ZBTB41: variants seen among roughly 807,000 people sequenced by gnomAD.
ZBTB41 encodes zinc finger and BTB domain-containing protein 41.
In ZBTB41, 42 loss-of-function variants were observed where a neutral mutation model predicts 87.6. That is an observed-to-expected ratio of 0.48 (90% CI 0.37 to 0.62). The LOEUF (loss-of-function observed/expected upper bound fraction) is 0.62. Ranked by LOEUF, ZBTB41 falls within the 20% of genes least tolerant of loss-of-function variation. The pLI, the probability that ZBTB41 is intolerant of heterozygous loss-of-function variation, is 0.00. For missense variants in ZBTB41, 799 were observed against 1,078.9 expected, an observed-to-expected ratio of 0.74 and a Z score of 3.63; for synonymous variants, 364 against 364.0, an observed-to-expected ratio of 1.00 and a Z score of 0.00.
rs1659670408 is a variant in ZBTB41 at position 197,178,678 on chromosome 1, T to C, written c.1677-166A>G. 2.6e-5 allele frequency among the ~76,000 whole-genome samples: 4 copies of C among 152,158 alleles called. No homozygotes were observed. The South Asian group carries it at 8.3e-4, about 32-fold the overall frequency. ...TTCTATTCTCACTAGTATACAAACA[T>C]GCTTGTTATAGCTCTCTCTCCTTAA... On this transcript the variant is annotated intron_variant, in intron 6 of 10. Transcript: ENST00000367405.
intron 10 of ZBTB41, 25 bp downstream of exon 10, chr1:197,172,133 ATC>A: frequency 4.1e-6 from 4 of 977,624 alleles, no homozygotes; most frequent in South Asian, 2.8e-5. Flanking sequence ...ATATATATAT[ATC>A]TATGAACCAC....
intron 9 of ZBTB41, among the ~76,000 whole-genome samples, chr1:197,174,358 AT>A (rs1438682556): frequency 6.6e-6 from 1 of 152,150 alleles, no homozygotes; most frequent in Non-Finnish European, 1.5e-5. Flanking sequence ...GGTAGTCACC[AT>A]AAAAAAGTTT....
chr1:197,181,100 T>C lies in ZBTB41; in HGVS notation c.1564A>G (p.Ile522Val), dbSNP rs1425215645. 1.9e-6 allele frequency: 3 copies of C among 1,588,774 alleles called. No homozygotes were observed. The highest frequency in any genetic ancestry group is 1.4e-5 in the African/African-American group (1 of 73,074). ...GTGTCGTTAAACTGGCGACCACATA[T>C]ATCACATGGAAAAGGACCTAAAAAG... The part of the protein sequence containing the change: ...KFHLGPFPCD[I>V]CGRQFNDTGN... Residue 522 changes from isoleucine to valine, a missense_variant, in exon 6 of 11, where the codon ATA becomes GTA. Coordinates refer to ENST00000367405, the MANE Select transcript of ZBTB41 (RefSeq NM_194314.3).
At chr1:197,187,837 A>C (rs1348260284) in intron 5 of ZBTB41, among the ~76,000 whole-genome samples, 1 of 152,236 alleles carries the variant, frequency 6.6e-6, no homozygotes, top group African/African-American at 2.4e-5. Context: ...ACCAACAAAC[A>C]AAATACAAAG....
At chr1:197,181,222 T>A (rs1308012575) in intron 5 of ZBTB41, 105 bp from the exon 6 acceptor site, 2 of 1,019,630 alleles carry the variant, frequency 2.0e-6, no homozygotes, top group Non-Finnish European at 2.8e-6. Context: ...TTGGTGCATA[T>A]GTCATAATAC....
chr1:197,164,746 TTA>T lies in ZBTB41; in HGVS notation c.2075-4734_2075-4733del, dbSNP rs1395868959. The stretch of plus-strand genomic sequence containing the variant: ...TTATATATAATACGTATCTAATATA[TTA>T]TATATATTATATATAATACATATCT... On this transcript the variant is annotated intron_variant, in intron 10 of 10. Transcript: ENST00000367405. Among the ~76,000 whole-genome samples the T allele has an allele frequency of 3.4e-4, 32 of 92,918 alleles. 1 individual carries two copies. The highest frequency in any genetic ancestry group is 1.1e-3 in the African/African-American group (28 of 26,352). 61.0% of individuals were successfully genotyped at this position (92,918 alleles called of 152,430 possible). A position where few individuals can be genotyped will look rare whatever the true frequency, so the allele number is the denominator to read the frequency against.
Position 197,199,361 on chromosome 1 carries a change from GT to G in ZBTB41, c.1112del (p.Asp371AlafsTer3). ...LQCPKCDKTF[D>X]RIGKYESHTR... ...CCAGTTTTCTTTTCTTACCTATTCG[GT>G]CAAATGTTTTATCACATTTAGGACA... On this transcript the variant is annotated frameshift_variant, in exon 2 of 11. Transcript: ENST00000367405. LOFTEE classifies it high-confidence loss of function. 1 of 1,505,442 alleles carries G rather than the reference GT, an allele frequency of 6.6e-7. No homozygotes were observed. The highest frequency in any genetic ancestry group is 8.8e-7 in the Non-Finnish European group (1 of 1,133,960). 93.3% of individuals were successfully genotyped at this position (1,505,442 alleles called of 1,614,324 possible).
At chr1:197,187,094 T>A (rs967744436) in intron 5 of ZBTB41, among the ~76,000 whole-genome samples, 1 of 152,126 alleles carries the variant, frequency 6.6e-6, no homozygotes, top group Admixed American at 6.5e-5. Flanking sequence ...GTGACAGACA[T>A]TCTCATGGGA....
Position 197,159,767 on chromosome 1 carries a change from G to A in ZBTB41, c.2322C>T (p.Asp774=), listed in dbSNP as rs144231310. 4.6e-5 allele frequency: 74 copies of A among 1,613,842 alleles called. No individual in the cohort carries two copies. Among genetic ancestry groups the A allele is most frequent in the Middle Eastern group, 3.3e-4 (2 of 6,084 alleles). Residue 774 remains aspartate, a synonymous_variant, in exon 11 of 11, where the codon GAC becomes GAT. Transcript: ENST00000367405. ...VSLPVEYSSD[D]KIFQTETKQY... ...GTTTTGTTTCTGTTTGAAAGATTTTGTCATCAGATGAGTACTCAACTGGCA... is the reference window on the plus strand; with the variant it reads ...GTTTTGTTTCTGTTTGAAAGATTTTATCATCAGATGAGTACTCAACTGGCA...
At chr1:197,184,325 A>G (rs1416690439) in intron 5 of ZBTB41, among the ~76,000 whole-genome samples, 3 of 152,204 alleles carry the variant, frequency 2.0e-5, no homozygotes, top group Non-Finnish European at 4.4e-5. Flanking sequence ...TCCAACATAT[A>G]CTAGTCTTAT....
chr1:197,172,460 C>G (rs1422282538), intron 9 of ZBTB41, among the ~76,000 whole-genome samples: 1 of 151,928 alleles, frequency 6.6e-6, no homozygotes, highest in East Asian at 1.9e-4. Flanking sequence ...CTGGTTTTTC[C>G]TCTTCCAGTT....
At position 197,172,268 on chromosome 1, in the gene ZBTB41, TGA is replaced by T. The variant is rs767841471; in HGVS notation, c.1986-22_1986-21del. On this transcript the variant is annotated intron_variant, in intron 9 of 10. Transcript: ENST00000367405. ...TTATATCTAAGAAAATAAAAAGATT[TGA>T]GTTTTTCAATATAATTTTAATAACT... 101 of 996,758 alleles carry T rather than the reference TGA, an allele frequency of 1.0e-4. No homozygotes were observed. In the African/African-American group the frequency reaches 1.5e-3, roughly 15 times the overall value. The allele number at this position is 996,758 out of a possible 1,614,324, so 61.7% of individuals were successfully genotyped here.
chr1:197,187,904 C>T (rs536628653), intron 5 of ZBTB41, among the ~76,000 whole-genome samples: 4 of 152,170 alleles, frequency 2.6e-5, no homozygotes, highest in Admixed American at 6.5e-5. Flanking sequence ...AGGGAAATTT[C>T]GGGGCAGTGA....
intron 2 of ZBTB41, among the ~76,000 whole-genome samples, chr1:197,197,868 T>A (rs1167495067): frequency 6.6e-6 from 1 of 152,232 alleles, no homozygotes; most frequent in African/African-American, 2.4e-5. Flanking sequence ...TTACATAGCA[T>A]GTCACGGGAC....
At chr1:197,190,852 G>T (rs767287379) in intron 3 of ZBTB41, 21 bp from the exon 4 acceptor site, 1 of 1,474,678 alleles carries the variant, frequency 6.8e-7, no homozygotes, top group South Asian at 1.2e-5. Context: ...AAAAGAAAAA[G>T]ATTATTAGGA....
At chr1:197,162,477 G>A (rs112948207) in intron 10 of ZBTB41, among the ~76,000 whole-genome samples, 166 of 152,194 alleles carry the variant, frequency 1.1e-3, no homozygotes, top group African/African-American at 3.8e-3. Flanking sequence ...AGTTAAAATC[G>A]TAGAATCTAT....
Position 197,182,309 on chromosome 1 carries a change from T to C in ZBTB41, c.1547-1192A>G, listed in dbSNP as rs1280182248. Among the ~76,000 whole-genome samples, 6 of 147,362 alleles carry C rather than the reference T, an allele frequency of 4.1e-5. No homozygotes were observed. In the East Asian group the frequency reaches 1.2e-3, roughly 29 times the overall value. On this transcript the variant is annotated intron_variant, in intron 5 of 10. Coordinates refer to ENST00000367405, the MANE Select transcript of ZBTB41 (RefSeq NM_194314.3). ...ATTCTCTTTAATGTTCAGTTACTTA[T>C]CAGGATTCTTCAAAGAAAATAACAA...
intron 2 of ZBTB41, 92 bp downstream of exon 2, chr1:197,199,262 G>A: frequency 3.1e-6 from 4 of 1,273,044 alleles, no homozygotes; most frequent in Non-Finnish European, 4.1e-6. Flanking sequence ...CTTTTTAGAA[G>A]TTACTTTCCA....
rs766924814 is a variant in ZBTB41, at chr1:197,176,587, G to A, written c.1856C>T (p.Thr619Ile). The A allele has an allele frequency of 6.2e-7, 1 of 1,610,738 alleles. No homozygotes were observed. Among genetic ancestry groups the A allele is most frequent in the Non-Finnish European group, 8.5e-7 (1 of 1,178,446 alleles). The change falls in exon 8 of 11, where the codon ACA becomes ATA. Residue 619 changes from threonine (T) to isoleucine (I), a missense_variant. Coordinates refer to ENST00000367405, the MANE Select transcript of ZBTB41 (RefSeq NM_194314.3). ...ACCTGAATGTATTTTTTTGTGCTTT[G>A]TAAGGTGATCATGACGGATAAATGT... Reference protein sequence around the residue: ...GKTFIRHDHLTKHKKIHSGEK... With the variant: ...GKTFIRHDHLIKHKKIHSGEK...
Sources: gnomAD v4.1 joint callset for allele counts (sites outside exome capture counted in the v4.1 genomes callset) on GRCh38, gnomAD v4.1.1 for gene constraint, MANE v1.5 for transcripts, NCBI Gene and HGNC (gene_info 2026-07-23, HGNC 2026-07-21) for gene names.